The following MOCOS variants were observed in gnomAD, a reference collection of about 807,000 sequenced individuals.
MOCOS encodes molybdenum cofactor sulfurase, also known as human molybdenum cofactor sulfurase.
A neutral mutation model predicts 83.6 loss-of-function variants in MOCOS; 86 were observed. The observed-to-expected ratio is 1.03, with a 90% CI of 0.86 to 1.23. The LOEUF (loss-of-function observed/expected upper bound fraction) is 1.23. Ranked by LOEUF, MOCOS falls within the 50% of genes most tolerant of loss-of-function variation. The pLI is 0.00. For synonymous variants in MOCOS, 445 were observed against 434.7 expected, an observed-to-expected ratio of 1.02 and a Z score of -0.29; for missense variants, 1,120 against 1,126.9, an observed-to-expected ratio of 0.99 and a Z score of 0.09.
Position 36,215,848 on chromosome 18 carries a change from T to A in MOCOS, c.1668T>A (p.Pro556=). The change falls in exon 8 of 15, where the codon CCT becomes CCA. Residue 556 remains proline (P), a synonymous_variant. Coordinates refer to ENST00000261326, the MANE Select transcript of MOCOS (RefSeq NM_017947.4). ...STVNAVPVAP[P]VCDVARTQPT... ...TGAATGCTGTGCCTGTGGCCCCACC[T>A]GTGTGTGATGTCGCCAGAACCCAGC... The A allele has an allele frequency of 6.2e-7, 1 of 1,614,210 alleles. No individual in the cohort carries two copies. The highest frequency in any genetic ancestry group is 8.5e-7 in the Non-Finnish European group (1 of 1,180,040).
At chr18:36,260,603 C>T (rs2091660467) in intron 13 of MOCOS, among the ~76,000 whole-genome samples, 1 of 152,174 alleles carries the variant, frequency 6.6e-6, no homozygotes, top group East Asian at 1.9e-4. Context: ...CCACACGCTT[C>T]ACCTTTTCTG....
chr18:36,212,303 A>G (rs973852520), intron 6 of MOCOS, among the ~76,000 whole-genome samples: 2 of 152,208 alleles, frequency 1.3e-5, no homozygotes, highest in African/African-American at 2.4e-5. Flanking sequence ...GGCCTACTTC[A>G]CAGCAAAAGT....
chr18:36,201,921 C>T (rs1325899573), intron 4 of MOCOS, among the ~76,000 whole-genome samples: 3 of 151,982 alleles, frequency 2.0e-5, no homozygotes, highest in African/African-American at 7.3e-5. Context: ...CAGAACAAAG[C>T]GACACCTCAA....
At chr18:36,251,117 A>G in intron 10 of MOCOS, 42 bp from the exon 11 acceptor site, 1 of 1,587,782 alleles carries the variant, frequency 6.3e-7, no homozygotes, top group South Asian at 1.1e-5. Flanking sequence ...ATTTAAATAA[A>G]TACTATGTAA....
rs572820286 is a variant in MOCOS at position 36,209,586 on chromosome 18, G to A, written c.1219-3780G>A. On this transcript the variant is annotated intron_variant, in intron 6 of 14. Coordinates refer to ENST00000261326, the MANE Select transcript of MOCOS (RefSeq NM_017947.4). ...CTCCCACTTATAAGTGAGAACATAT[G>A]ATATTTGATTTTCCATTCCTGAGTT... Among the ~76,000 whole-genome samples, 3 of 151,984 alleles carry A rather than the reference G, an allele frequency of 2.0e-5. No homozygotes were observed. The East Asian group carries it at 5.8e-4, about 29-fold the overall frequency.
At chr18:36,193,357 T>TAAAAA (rs2091374346) in intron 1 of MOCOS, among the ~76,000 whole-genome samples, 1 of 107,930 alleles carries the variant, frequency 9.3e-6, no homozygotes, top group Non-Finnish European at 1.9e-5. Context: ...AAAAAAAAAG[T>TAAAAA]TACAGAATGA....
Position 36,268,940 on chromosome 18 carries a change from T to G in MOCOS, c.*255T>G. 1.9e-6 allele frequency: 1 copy of G among 519,008 alleles called. No homozygotes were observed. The highest frequency in any genetic ancestry group is 2.2e-5 in the South Asian group (1 of 44,506). The allele number at this position is 519,008 out of a possible 1,614,324, so 32.2% of individuals were successfully genotyped here. On this transcript the variant is annotated 3_prime_UTR_variant, in exon 15 of 15. Transcript: ENST00000261326. ...CATCCAGTGAGGCTCCTGTAGGTAT[T>G]TGAAGTATAATCACTTGTAATCAGA...
chr18:36,190,096 T>A (rs1163142120), intron 1 of MOCOS: 2 of 152,240 alleles, frequency 1.3e-5, no homozygotes, highest in East Asian at 3.8e-4. Flanking sequence ...CCAAAGCATC[T>A]TCTTCTCCAA....
At chr18:36,250,940 T>C (rs76364753) in intron 10 of MOCOS, among the ~76,000 whole-genome samples, 326 of 152,324 alleles carry the variant, frequency 2.1e-3, no homozygotes, top group African/African-American at 7.6e-3. Flanking sequence ...AGGAGAAATG[T>C]TGAAGCTTTT....
chr18:36,201,668 A>AAAAAAAAAAG (rs931665651), intron 4 of MOCOS, among the ~76,000 whole-genome samples: 2 of 119,442 alleles, frequency 1.7e-5, no homozygotes, highest in African/African-American at 8.0e-5. Context: ...ATCTCCAAAA[A>AAAAAAAAAAG]AAAAAAAAAA....
chr18:36,248,192 T>A (rs1052857578), intron 9 of MOCOS, among the ~76,000 whole-genome samples: 2 of 152,192 alleles, frequency 1.3e-5, no homozygotes, highest in African/African-American at 4.8e-5. Flanking sequence ...ATTCCCCTGA[T>A]GATTAGTGAT....
chr18:36,237,451 T>C lies in MOCOS; in HGVS notation c.1961-11471T>C, dbSNP rs538107072. On this transcript the variant is annotated intron_variant, in intron 9 of 14. Coordinates refer to ENST00000261326, the MANE Select transcript of MOCOS (RefSeq NM_017947.4). ...GATTACATTTATTGATTTGCATATA[T>C]TGAACCAGCCTTGCATCCCAGGGAT... Among the ~76,000 whole-genome samples, 6 of 152,374 alleles carry C rather than the reference T, an allele frequency of 3.9e-5. No individual in the cohort carries two copies. In the East Asian group the frequency reaches 7.7e-4, roughly 20 times the overall value.
At chr18:36,193,110 G>A (rs999425456) in intron 1 of MOCOS, among the ~76,000 whole-genome samples, 3 of 150,266 alleles carry the variant, frequency 2.0e-5, no homozygotes, top group Non-Finnish European at 4.4e-5. Context: ...AGGAGATCGA[G>A]ACCATCCTGG....
intron 9 of MOCOS, among the ~76,000 whole-genome samples, chr18:36,226,613 T>C (rs1373114612): frequency 2.0e-5 from 3 of 152,058 alleles, no homozygotes; most frequent in Non-Finnish European, 2.9e-5. Flanking sequence ...CTTTTGTCTG[T>C]CTTTTCACCT....
chr18:36,199,611 A>G, intron 3 of MOCOS, 72 bp from the exon 4 acceptor site: 1 of 1,604,202 alleles, frequency 6.2e-7, no homozygotes, highest in Non-Finnish European at 8.5e-7. Flanking sequence ...GTTAATAGAA[A>G]TAAAACAGCC....
At chr18:36,264,942 G>C (rs765602410) in intron 13 of MOCOS, among the ~76,000 whole-genome samples, 2 of 152,154 alleles carry the variant, frequency 1.3e-5, no homozygotes, top group Non-Finnish European at 2.9e-5. Context: ...ATTTATTCAG[G>C]AGTAAGCAAA....
intron 9 of MOCOS, among the ~76,000 whole-genome samples, chr18:36,239,210 A>G (rs1034859873): frequency 6.6e-6 from 1 of 152,142 alleles, no homozygotes; most frequent in African/African-American, 2.4e-5. Context: ...TCGTTACTTG[A>G]TGCAGTTTCT....
At position 36,190,987 on chromosome 18, in the gene MOCOS, C is replaced by G. The variant is rs1429272598; in HGVS notation, c.142+3306C>G. On this transcript the variant is annotated intron_variant, in intron 1 of 14. Coordinates refer to ENST00000261326, the MANE Select transcript of MOCOS (RefSeq NM_017947.4). ...TGAGCCAAGATTGAGCCCCTGCACT[C>G]TAGCCTGGGTGGCAGAGCAAGACCC... Among the ~76,000 whole-genome samples, 4 of 120,956 alleles carry G rather than the reference C, an allele frequency of 3.3e-5. 1 individual carries two copies. The highest frequency in any genetic ancestry group is 5.2e-4 in the East Asian group (2 of 3,826). 79.4% of individuals were successfully genotyped at this position (120,956 alleles called of 152,430 possible).
At chr18:36,208,045 T>C (rs561748092) in intron 6 of MOCOS, among the ~76,000 whole-genome samples, 2 of 152,306 alleles carry the variant, frequency 1.3e-5, no homozygotes, top group Admixed American at 6.5e-5. Context: ...ATTTATTGAA[T>C]AGGGAGTCTT....
Sources: allele counts gnomAD v4.1 joint callset (sites outside exome capture counted in the v4.1 genomes callset), GRCh38; gene constraint gnomAD v4.1.1; transcripts MANE v1.5; gene names NCBI Gene and HGNC (gene_info 2026-07-23, HGNC 2026-07-21).